Variants in PSD3 observed in about 807,000 individuals in gnomAD.
PSD3 encodes the protein PH and SEC7 domain-containing protein 3.
Under a neutral mutation model 105.5 loss-of-function variants are expected in PSD3, and 49 were observed. The ratio of observed to expected loss-of-function variants is 0.46; its 90% CI spans 0.37 to 0.59. The LOEUF (loss-of-function observed/expected upper bound fraction) is 0.59, where lower values mean the gene tolerates loss of function less well. Among genes scored for constraint, PSD3 ranks in the 20% least tolerant of loss-of-function variants. PSD3 has a pLI of 0.00. For missense variants in PSD3, 1,561 were observed against 1,263.8 expected (o/e 1.24, Z -3.57); for synonymous variants, 557 against 457.8 (o/e 1.22, Z -2.77).
chr8:18,770,094 A>G (rs1402597412), intron 8 of PSD3, among the ~76,000 whole-genome samples: 3 of 152,224 alleles, frequency 2.0e-5, no homozygotes, highest in Non-Finnish European at 4.4e-5. Flanking sequence ...CATTCCCACA[A>G]GCAGCGAATG....
chr8:18,855,665 C>T (rs567982434), intron 4 of PSD3, among the ~76,000 whole-genome samples: 1 of 150,726 alleles, frequency 6.6e-6, no homozygotes, highest in East Asian at 2.0e-4. Flanking sequence ...CAAAAGGAAA[C>T]AAGATAGCTT....
chr8:18,923,898 A>T (rs1279289396), intron 2 of PSD3, among the ~76,000 whole-genome samples: 1 of 151,928 alleles, frequency 6.6e-6, no homozygotes, highest in Non-Finnish European at 1.5e-5. Context: ...ATATATATAT[A>T]CATATATGTG....
At chr8:18,718,071 A>G (rs1872890) in intron 9 of PSD3, among the ~76,000 whole-genome samples, 7,595 of 152,258 alleles carry the variant, frequency 0.05, 318 homozygotes, top group East Asian at 0.16. Context: ...CACATTCGGC[A>G]GAAATGGAAT....
Position 18,872,422 on chromosome 8 carries a change from C to T in PSD3, c.442G>A (p.Gly148Arg), listed in dbSNP as rs201831146. ...LKATEARIIS[G>R]TLQATKVLDQ... ...AGTACCTTTGTAGCCTGTAATGTTCCGGAAATGATTCTGGCTTCTGTGGCT... is the reference window on the plus strand; with the variant it reads ...AGTACCTTTGTAGCCTGTAATGTTCTGGAAATGATTCTGGCTTCTGTGGCT... Residue 148 changes from glycine to arginine, a missense_variant, in exon 3 of 16, where the codon GGA (glycine) becomes AGA (arginine). Coordinates refer to ENST00000327040, the MANE Select transcript of PSD3 (RefSeq NM_015310.4). The T allele has an allele frequency of 6.3e-5, 101 of 1,613,960 alleles. No individual in the cohort carries two copies. The highest frequency in any genetic ancestry group is 1.6e-4 in the Middle Eastern group (1 of 6,084).
intron 11 of PSD3, among the ~76,000 whole-genome samples, chr8:18,605,364 A>T (rs1804743250): frequency 2.2e-5 from 2 of 91,942 alleles, no homozygotes; most frequent in East Asian, 3.9e-4. Flanking sequence ...ACTTCTATGG[A>T]GCCTGTAGCC....
At chr8:18,640,142 G>C (rs538065540) in intron 10 of PSD3, among the ~76,000 whole-genome samples, 2 of 152,248 alleles carry the variant, frequency 1.3e-5, no homozygotes, top group South Asian at 2.1e-4. Context: ...CATGATTGTA[G>C]AACTCCGTTG....
intron 12 of PSD3, among the ~76,000 whole-genome samples, chr8:18,581,638 T>C (rs753923143): frequency 1.3e-5 from 2 of 152,190 alleles, no homozygotes; most frequent in Non-Finnish European, 2.9e-5. Flanking sequence ...CTGTGTTTTC[T>C]CCAACCTTCA....
chr8:19,063,092 C>G (rs1236132228), intron 1 of PSD3, among the ~76,000 whole-genome samples: 1 of 152,190 alleles, frequency 6.6e-6, no homozygotes, highest in Admixed American at 6.5e-5. Context: ...TAGTTTCTAA[C>G]TGTTATTTCA....
At chr8:18,837,342 A>G (rs1391156482) in intron 4 of PSD3, among the ~76,000 whole-genome samples, 1 of 152,158 alleles carries the variant, frequency 6.6e-6, no homozygotes, top group Non-Finnish European at 1.5e-5. Context: ...ACAAGCCAAT[A>G]CTATGACACC....
chr8:18,788,460 C>T (rs759823358), intron 8 of PSD3, among the ~76,000 whole-genome samples: 2 of 152,154 alleles, frequency 1.3e-5, no homozygotes, highest in Admixed American at 6.5e-5. Context: ...CTCTGACCAT[C>T]GCCTAACTTA....
chr8:18,657,887 AG>A (rs1399740983), intron 9 of PSD3, among the ~76,000 whole-genome samples: 1 of 152,242 alleles, frequency 6.6e-6, no homozygotes, highest in African/African-American at 2.4e-5. Context: ...CTGTTCATAA[AG>A]GTAGAAAGTT....
chr8:18,629,653 G>C (rs1056528100), intron 11 of PSD3, among the ~76,000 whole-genome samples: 6 of 151,910 alleles, frequency 3.9e-5, no homozygotes, highest in African/African-American at 1.4e-4. Flanking sequence ...AAAGGCAAAA[G>C]TATAGGGCCC....
chr8:18,750,250 T>C (rs1805363098), intron 9 of PSD3, among the ~76,000 whole-genome samples: 1 of 152,224 alleles, frequency 6.6e-6, no homozygotes, highest in Non-Finnish European at 1.5e-5. Flanking sequence ...CGGTGAGTGC[T>C]ACAGCTCTTA....
chr8:18,867,616 C>T (rs1586272456), intron 4 of PSD3, 58 bp downstream of exon 4: 1 of 1,520,636 alleles, frequency 6.6e-7, no homozygotes, highest in East Asian at 2.3e-5. Context: ...TCAGATTTCC[C>T]AGAAAAGAAA....
intron 1 of PSD3, among the ~76,000 whole-genome samples, chr8:19,079,944 C>G (rs889290802): frequency 6.9e-6 from 1 of 144,738 alleles, no homozygotes; most frequent in African/African-American, 2.6e-5. Flanking sequence ...GGTTGGAGTG[C>G]AGTGGTGCAA....
intron 12 of PSD3, among the ~76,000 whole-genome samples, chr8:18,588,569 T>A (rs1355297830): frequency 2.6e-5 from 4 of 152,298 alleles, no homozygotes; most frequent in Admixed American, 2.0e-4. Context: ...TATTCACTCT[T>A]CATAAATGTA....
intron 1 of PSD3, among the ~76,000 whole-genome samples, chr8:19,066,802 A>C (rs1025131788): frequency 6.6e-6 from 1 of 152,250 alleles, no homozygotes; most frequent in Non-Finnish European, 1.5e-5. Context: ...AATGCTCAAT[A>C]AATGTTAGCT....
intron 2 of PSD3, among the ~76,000 whole-genome samples, chr8:18,923,831 T>A (rs1821183246): frequency 6.6e-6 from 1 of 151,636 alleles, no homozygotes; most frequent in Admixed American, 6.6e-5. Context: ...GCTGATTTGA[T>A]CCTACTCTCA....
At chr8:18,988,009 A>G (rs544597213) in intron 1 of PSD3, among the ~76,000 whole-genome samples, 9 of 148,916 alleles carry the variant, frequency 6.0e-5, no homozygotes, top group African/African-American at 2.2e-4. Context: ...AACACCGAAC[A>G]AAACAAAGCC....
Sources: allele counts gnomAD v4.1 joint callset (sites outside exome capture counted in the v4.1 genomes callset), GRCh38; gene constraint gnomAD v4.1.1; transcripts MANE v1.5; gene names NCBI Gene and HGNC (gene_info 2026-07-23, HGNC 2026-07-21).